CEP350: variants seen among roughly 807,000 people sequenced by gnomAD.
The protein encoded by CEP350 is centrosome-associated protein 350.
Under a neutral mutation model 331.8 loss-of-function variants are expected in CEP350, and 126 were observed. That is an observed-to-expected ratio of 0.38 (90% CI 0.33 to 0.44). CEP350 has a LOEUF of 0.44. Among genes scored for constraint, CEP350 ranks in the 20% least tolerant of loss-of-function variants. The pLI, the probability that CEP350 is intolerant of heterozygous loss-of-function variation, is 1.00. For missense variants in CEP350, 3,406 were observed against 3,634.6 expected, an observed-to-expected ratio of 0.94 and a Z score of 1.62; for synonymous variants, 1,200 against 1,259.5, an observed-to-expected ratio of 0.95 and a Z score of 1.00.
At position 180,075,060 on chromosome 1, in the gene CEP350, G is replaced by A. The variant is rs1179779223; in HGVS notation, c.5606G>A (p.Arg1869Gln). 9.3e-6 allele frequency: 15 copies of A among 1,612,546 alleles called. 1 individual carries two copies. The highest frequency in any genetic ancestry group is 5.5e-5 in the South Asian group (5 of 90,802). The change falls in exon 28 of 38, where the codon CGA becomes CAA. Residue 1869 changes from arginine to glutamine, a missense_variant. Physicochemically the swap from Arg to Gln is conservative, Grantham distance 43. Coordinates refer to ENST00000367607, the MANE Select transcript of CEP350 (RefSeq NM_014810.5). ...CGGGAGCAAAAATTAATGCAACGGC[G>A]ACAACATGCAGAGGAGCTCCTAGAG... is the stretch of plus-strand genomic sequence containing the variant. The part of the protein sequence containing the change: ...TKREQKLMQR[R>Q]QHAEELLEWK...
chr1:180,089,494 C>T (rs185102749), intron 32 of CEP350, among the ~76,000 whole-genome samples: 108 of 150,920 alleles, frequency 7.2e-4, no homozygotes, highest in Admixed American at 4.5e-3. Context: ...GAGGCAGGAG[C>T]ATCGCTTGAA....
Position 180,093,368 on chromosome 1 carries a change from C to G in CEP350, c.7263C>G (p.Ser2421Arg), listed in dbSNP as rs774282046. 1.9e-6 allele frequency: 3 copies of G among 1,600,676 alleles called. No individual in the cohort carries two copies. Among genetic ancestry groups the G allele is most frequent in the South Asian group, 1.1e-5 (1 of 88,620 alleles). Residue 2421 changes from serine (S) to arginine (R), a missense_variant, in exon 34 of 38, where the codon AGC becomes AGG. Transcript: ENST00000367607. ...GAGATAAGCCACAGCCAATGAGGAG[C>G]TCTACAAGTGGAGCCACTAGCTTTG... ...SCRDKPQPMRSSTSGATSFGS... is the reference protein window; with the variant it reads ...SCRDKPQPMRRSTSGATSFGS...
intron 15 of CEP350, 136 bp downstream of exon 15, chr1:180,031,630 T>C (rs1656028281): frequency 2.6e-6 from 1 of 381,864 alleles, no homozygotes; most frequent in Admixed American, 4.4e-5. Context: ...TTCTGTATTT[T>C]ACAAATAGAC....
At chr1:180,038,107 A>G (rs1656495692) in intron 17 of CEP350, among the ~76,000 whole-genome samples, 1 of 152,054 alleles carries the variant, frequency 6.6e-6, no homozygotes, top group South Asian at 2.1e-4. Flanking sequence ...CTGGCACCAT[A>G]GTTTATTTTT....
chr1:180,083,796 G>T lies in CEP350; in HGVS notation c.6125-222G>T, dbSNP rs550083961. ...ACAATTAGAAAGTGAAAATAAATAGGAGGAACCAAGCCAAAAATAAAGTGT... is the reference window on the plus strand; with the variant it reads ...ACAATTAGAAAGTGAAAATAAATAGTAGGAACCAAGCCAAAAATAAAGTGT... On this transcript the variant is annotated intron_variant, in intron 30 of 37. Coordinates refer to ENST00000367607, the MANE Select transcript of CEP350 (RefSeq NM_014810.5). 9.2e-5 allele frequency among the ~76,000 whole-genome samples: 14 copies of T among 152,134 alleles called. 1 individual carries two copies. The South Asian group carries it at 2.7e-3, about 29-fold the overall frequency.
At chr1:180,080,149 C>A (rs531433595) in intron 29 of CEP350, among the ~76,000 whole-genome samples, 1 of 152,256 alleles carries the variant, frequency 6.6e-6, no homozygotes, top group Admixed American at 6.5e-5. Context: ...CCCTTCCTCT[C>A]TCCTTTCCGT....
At chr1:180,050,048 A>G (rs1657386232) in intron 22 of CEP350, among the ~76,000 whole-genome samples, 1 of 152,190 alleles carries the variant, frequency 6.6e-6, no homozygotes. Flanking sequence ...AAATGGAGTT[A>G]GGAATCTAAA....
chr1:180,050,026 C>T (rs926395042), intron 22 of CEP350, among the ~76,000 whole-genome samples: 2 of 152,152 alleles, frequency 1.3e-5, no homozygotes, highest in African/African-American at 4.8e-5. Context: ...CAGTGGTCTT[C>T]TTGAGTTGAG....
chr1:179,960,732 A>T (rs542341398), intron 1 of CEP350, among the ~76,000 whole-genome samples: 1 of 152,310 alleles, frequency 6.6e-6, no homozygotes, highest in South Asian at 2.1e-4. Context: ...CTTGTGTAAT[A>T]TCTAGTAGGT....
At chr1:179,964,779 T>TTA (rs1553249321) in intron 1 of CEP350, among the ~76,000 whole-genome samples, 1 of 151,552 alleles carries the variant, frequency 6.6e-6, no homozygotes, top group African/African-American at 2.4e-5. Context: ...TTTTTTTTTT[T>TTA]AATTTACTTA....
intron 14 of CEP350, among the ~76,000 whole-genome samples, chr1:180,028,685 C>T (rs1178593279): frequency 6.6e-6 from 1 of 151,898 alleles, no homozygotes; most frequent in African/African-American, 2.4e-5. Flanking sequence ...ACACCTGTAG[C>T]TCCAGCTACT....
intron 6 of CEP350, among the ~76,000 whole-genome samples, chr1:180,001,200 T>G (rs541699751): frequency 2.0e-5 from 3 of 152,314 alleles, no homozygotes; most frequent in African/African-American, 4.8e-5. Flanking sequence ...CTTTATTCAT[T>G]ATTTTGTTGT....
chr1:179,997,357 T>C (rs939933450), intron 6 of CEP350, among the ~76,000 whole-genome samples, 182 bp downstream of exon 6: 1 of 151,870 alleles, frequency 6.6e-6, no homozygotes, highest in African/African-American at 2.4e-5. Context: ...CTGGCTAACA[T>C]GGTGAAACCC....
chr1:180,085,411 A>T (rs990810104), intron 31 of CEP350, among the ~76,000 whole-genome samples: 1 of 152,108 alleles, frequency 6.6e-6, no homozygotes, highest in Non-Finnish European at 1.5e-5. Flanking sequence ...CTTCCAGGCT[A>T]GCTGGGGCCC....
At chr1:180,062,481 A>G (rs1658283472) in intron 26 of CEP350, 115 bp downstream of exon 26, 5 of 1,262,838 alleles carry the variant, frequency 4.0e-6, no homozygotes, top group East Asian at 5.8e-5. Flanking sequence ...ATAATGAACT[A>G]GGATAAAGTT....
At chr1:180,012,146 A>C in intron 9 of CEP350, 71 bp downstream of exon 9, 1 of 1,330,292 alleles carries the variant, frequency 7.5e-7, no homozygotes, top group Non-Finnish European at 1.0e-6. Context: ...AGAAGGAAAA[A>C]GTACTCTTAA....
chr1:180,012,132 T>A, intron 9 of CEP350, 57 bp downstream of exon 9: 2 of 1,428,748 alleles, frequency 1.4e-6, no homozygotes, highest in Non-Finnish European at 1.9e-6. Context: ...TATTAAGTAC[T>A]TAGAGAAGGA....
chr1:179,993,924 C>T (rs1310994394), intron 5 of CEP350, among the ~76,000 whole-genome samples: 1 of 152,182 alleles, frequency 6.6e-6, no homozygotes, highest in Admixed American at 6.5e-5. Flanking sequence ...TCCCTCTCTG[C>T]TCCCAAAGTA....
Position 180,003,264 on chromosome 1 carries a change from G to A in CEP350, c.1109G>A (p.Arg370Gln), listed in dbSNP as rs770100393. 5 of 1,610,700 alleles carry A rather than the reference G, an allele frequency of 3.1e-6. No homozygotes were observed. The East Asian group carries it at 6.7e-5, about 22-fold the overall frequency. ...CAAAACATGAGTAGAGAACTGTATC[G>A]AGATTTAGCACTTCACTTTGCAGGT... ...EFQNMSRELY[R>Q]DLALHFADDI... is the part of the protein sequence containing the mutation. Residue 370 changes from arginine (R) to glutamine (Q), a missense_variant, in exon 7 of 38, where the codon CGA (arginine) becomes CAA (glutamine). Physicochemically the swap from Arg to Gln is conservative, Grantham distance 43 (BLOSUM62 1). Coordinates refer to ENST00000367607, the MANE Select transcript of CEP350 (RefSeq NM_014810.5).
Sources: gnomAD v4.1 joint callset for allele counts (sites outside exome capture counted in the v4.1 genomes callset) on GRCh38, gnomAD v4.1.1 for gene constraint, MANE v1.5 for transcripts, NCBI Gene and HGNC (gene_info 2026-07-23, HGNC 2026-07-21) for gene names.